Variants in DDB2 observed in about 807,000 individuals in gnomAD.
DDB2 encodes the protein damage specific DNA binding protein 2.
In DDB2, 27 loss-of-function variants were observed where a neutral mutation model predicts 50.5. The observed-to-expected ratio is 0.53, with a 90% CI of 0.39 to 0.74. DDB2 has a LOEUF of 0.74. DDB2 is among the 30% of genes least tolerant of loss of function. The pLI, the probability that DDB2 is intolerant of heterozygous loss-of-function variation, is 0.00. For synonymous variants in DDB2, 176 were observed against 205.5 expected (o/e 0.86, Z 1.23); for missense variants, 424 against 545.6 (o/e 0.78, Z 2.22).
Position 47,215,033 on chromosome 11 carries a change from C to A in DDB2, c.-104C>A. ...GTTGGCTTAGCTCGGCTACCTGTGG[C>A]CCCGCAGTTTTGTAGTCCCCGCCTT... is the stretch of plus-strand genomic sequence containing the variant. On this transcript the variant is annotated 5_prime_UTR_variant, in exon 1 of 10. Coordinates refer to ENST00000256996, the MANE Select transcript of DDB2 (RefSeq NM_000107.3). The A allele has an allele frequency of 1.9e-6, 3 of 1,561,440 alleles. No individual in the cohort carries two copies. Among genetic ancestry groups the A allele is most frequent in the Non-Finnish European group, 2.6e-6 (3 of 1,135,640 alleles).
chr11:47,235,053 C>T, intron 6 of DDB2, 119 bp downstream of exon 6: 1 of 1,345,946 alleles, frequency 7.4e-7, no homozygotes, highest in Non-Finnish European at 1.0e-6. Flanking sequence ...GTCTGCCAAG[C>T]TGATGTCTGG....
At position 47,235,552 on chromosome 11, in the gene DDB2, C is replaced by A; in HGVS notation, c.1023+140C>A. ...TGGCCCGAGCACAGAGCATCTCTTA[C>A]CCATTGGCTCTCTCTCTTCCTTTTA... On this transcript the variant is annotated intron_variant, in intron 7 of 9. Coordinates refer to ENST00000256996, the MANE Select transcript of DDB2 (RefSeq NM_000107.3). 9.8e-6 allele frequency: 8 copies of A among 815,276 alleles called. No homozygotes were observed. In the South Asian group the frequency reaches 1.1e-4, roughly 11 times the overall value. 50.5% of individuals were successfully genotyped at this position (815,276 alleles called of 1,614,324 possible).
Position 47,234,652 on chromosome 11 carries a change from C to A in DDB2, c.682C>A (p.Leu228Met), listed in dbSNP as rs1270156043. The A allele has an allele frequency of 4.3e-6, 7 of 1,613,990 alleles. No homozygotes were observed. In the East Asian group the frequency reaches 1.3e-4, roughly 31 times the overall value. Residue 228 changes from leucine to methionine, a missense_variant, in exon 5 of 10, where the codon CTG becomes ATG. By Grantham distance (15) the Leu-to-Met change is conservative. Coordinates refer to ENST00000256996, the MANE Select transcript of DDB2 (RefSeq NM_000107.3). ...TGDNVGNVIL[L>M]NMDGKELWNL... Reference sequence around the variant, plus strand: ...AGACAACGTGGGGAACGTGATCCTGCTGAACATGGACGGCAAAGAGGTGCG... The same window carrying A: ...AGACAACGTGGGGAACGTGATCCTGATGAACATGGACGGCAAAGAGGTGCG...
chr11:47,214,895 G>T, upstream of DDB2: 1 of 570,950 alleles, frequency 1.8e-6, no homozygotes, highest in Non-Finnish European at 3.1e-6. Flanking sequence ...ACCGCCCCTT[G>T]GCACCACCCC....
intron 8 of DDB2, 46 bp from the exon 9 acceptor site, chr11:47,238,092 C>T: frequency 1.2e-6 from 2 of 1,609,604 alleles, no homozygotes; most frequent in South Asian, 2.2e-5. Context: ...GGTGTCTCTG[C>T]TAATACCTTC....
intron 9 of DDB2, among the ~76,000 whole-genome samples, chr11:47,238,484 C>T (rs1010016736): frequency 2.0e-5 from 3 of 152,068 alleles, no homozygotes; most frequent in Admixed American, 1.3e-4. Context: ...ATGCAAGCTC[C>T]GCCTCCTGGG....
In DDB2 at chr11:47,238,198, AATGTCT is replaced by A; in HGVS notation, c.1234+16_1234+21del. The A allele has an allele frequency of 1.9e-6, 3 of 1,604,502 alleles. No individual in the cohort carries two copies. Among genetic ancestry groups the A allele is most frequent in the Non-Finnish European group, 1.7e-6 (2 of 1,174,808 alleles). On this transcript the variant is annotated intron_variant, in intron 9 of 9. Coordinates refer to ENST00000256996, the MANE Select transcript of DDB2 (RefSeq NM_000107.3). ...CTCTGCAATGGGTGAGTAGGAGGAGAATGTCTCTGACTTGCCAAGTCCGATCCTACT... is the reference window on the plus strand; with the variant it reads ...CTCTGCAATGGGTGAGTAGGAGGAGACTGACTTGCCAAGTCCGATCCTACT...
At chr11:47,224,946 T>C (rs1953535780) in intron 3 of DDB2, among the ~76,000 whole-genome samples, 2 of 152,148 alleles carry the variant, frequency 1.3e-5, no homozygotes, top group South Asian at 4.2e-4. Context: ...TTTCCTCTTC[T>C]TTCTTTTTTG....
At chr11:47,234,491 G>C in intron 4 of DDB2, 82 bp from the exon 5 acceptor site, 1 of 1,054,330 alleles carries the variant, frequency 9.5e-7, no homozygotes, top group Non-Finnish European at 1.5e-6. Flanking sequence ...GCCCGCTGTG[G>C]GTTAGTCACC....
At position 47,234,791 on chromosome 11, in the gene DDB2, C is replaced by T. The variant is rs151146343; in HGVS notation, c.737C>T (p.Thr246Met). ...CTCAGAATGCACAAAAAGAAAGTGA[C>T]GCATGTGGCCCTGAACCCATGCTGT... ...WNLRMHKKKV[T>M]HVALNPCCDW... The change falls in exon 6 of 10, where the codon ACG (threonine) becomes ATG (methionine). Residue 246 changes from threonine (T) to methionine (M), a missense_variant. Transcript: ENST00000256996. The T allele has an allele frequency of 3.1e-6, 5 of 1,614,074 alleles. No individual in the cohort carries two copies. Among genetic ancestry groups the T allele is most frequent in the African/African-American group, 2.7e-5 (2 of 74,928 alleles).
At chr11:47,238,070 G>T in intron 8 of DDB2, 68 bp from the exon 9 acceptor site, 1 of 1,612,264 alleles carries the variant, frequency 6.2e-7, no homozygotes, top group South Asian at 1.1e-5. Flanking sequence ...GACCAAAAGT[G>T]ACCAGAAATC....
At chr11:47,216,213 G>T (rs752312065) in intron 1 of DDB2, 123 bp from the exon 2 acceptor site, 2 of 1,446,998 alleles carry the variant, frequency 1.4e-6, no homozygotes, top group African/African-American at 1.4e-5. Flanking sequence ...ACATGGAAAG[G>T]CCGCAGGAGG....
At chr11:47,228,840 C>T (rs1953598506) in intron 3 of DDB2, among the ~76,000 whole-genome samples, 1 of 150,542 alleles carries the variant, frequency 6.6e-6, no homozygotes, top group African/African-American at 2.4e-5. Flanking sequence ...GCCTGTAATC[C>T]CAGGTACTTG....
At chr11:47,234,971 T>C (rs1953703795) in intron 6 of DDB2, 37 bp downstream of exon 6, 1 of 1,609,576 alleles carries the variant, frequency 6.2e-7, no homozygotes, top group Non-Finnish European at 8.5e-7. Context: ...CTGCAGACCC[T>C]GCCTGTCTGA....
At chr11:47,215,847 G>T (rs1049927745) in intron 1 of DDB2, 2 of 270,134 alleles carry the variant, frequency 7.4e-6, no homozygotes, top group African/African-American at 4.5e-5. Flanking sequence ...TTGCTTTATT[G>T]CTATTCTAAT....
Position 47,216,362 on chromosome 11 carries a change from T to C in DDB2, c.154T>C (p.Cys52Arg). Residue 52 changes from cysteine to arginine, a missense_variant, in exon 2 of 10, where the codon TGC becomes CGC. By Grantham distance (180) the Cys-to-Arg change is radical (BLOSUM62 -3). Coordinates refer to ENST00000256996, the MANE Select transcript of DDB2 (RefSeq NM_000107.3). ...SGPSRRCDSD[C>R]LWVGLAGPQI... ...TCCTAGCAGAAGATGTGACTCAGAC[T>C]GCCTCTGGGTGGGGCTGGCTGGCCC... 1 of 1,614,192 alleles carries C rather than the reference T, an allele frequency of 6.2e-7. No homozygotes were observed. The highest frequency in any genetic ancestry group is 8.5e-7 in the Non-Finnish European group (1 of 1,180,022).
chr11:47,232,770 C>T, intron 3 of DDB2, 44 bp from the exon 4 acceptor site: 1 of 1,611,238 alleles, frequency 6.2e-7, no homozygotes, highest in South Asian at 1.1e-5. Flanking sequence ...TTCCTCACGG[C>T]CAGGCCCATC....
Position 47,216,845 on chromosome 11 carries a change from C to A in DDB2, c.265-13C>A. On this transcript the variant is annotated splice_polypyrimidine_tract_variant and intron_variant, in intron 2 of 9. Coordinates refer to ENST00000256996, the MANE Select transcript of DDB2 (RefSeq NM_000107.3). ...GGTTTTAATTCAACCTAATTCATTT[C>A]TCTCTGTGGCAGGGGCTCCAGCAGT... The A allele has an allele frequency of 6.2e-7, 1 of 1,613,778 alleles. No individual in the cohort carries two copies.
chr11:47,237,914 T>G lies in DDB2; in HGVS notation c.1101T>G (p.Tyr367Ter). The change falls in exon 8 of 10, where the codon TAT becomes TAG. Residue 367 changes from tyrosine to a stop codon, truncating the protein, a stop_gained. Transcript: ENST00000256996. LOFTEE classifies it high-confidence loss of function. Reference sequence around the variant, plus strand: ...CTAATTTCAAAAGTTGTACCCCTTATGAATTGAGGACGATCGACGTGTTCG... The same window carrying G: ...CTAATTTCAAAAGTTGTACCCCTTAGGAATTGAGGACGATCGACGTGTTCG... ...PDPNFKSCTP[Y>*]ELRTIDVFDG... The G allele has an allele frequency of 6.2e-7, 1 of 1,614,184 alleles. No individual in the cohort carries two copies. Among genetic ancestry groups the G allele is most frequent in the Non-Finnish European group, 8.5e-7 (1 of 1,180,034 alleles).
Sources: gnomAD v4.1 joint callset for allele counts (sites outside exome capture counted in the v4.1 genomes callset) on GRCh38, gnomAD v4.1.1 for gene constraint, MANE v1.5 for transcripts, NCBI Gene and HGNC (gene_info 2026-07-23, HGNC 2026-07-21) for gene names.